Variants in OPN4 observed in about 807,000 individuals in gnomAD.
OPN4 encodes the protein melanopsin.
A neutral mutation model predicts 49.5 loss-of-function variants in OPN4; 43 were observed. That is an observed-to-expected ratio of 0.87 (90% CI 0.68 to 1.12). OPN4 has a LOEUF of 1.12. Among genes scored for constraint, OPN4 ranks in the 50% most tolerant of loss-of-function variants. OPN4 has a pLI of 0.00. For synonymous variants in OPN4, 263 were observed against 258.0 expected (o/e 1.02, Z -0.19); for missense variants, 657 against 643.9 (o/e 1.02, Z -0.22).
intron 8 of OPN4, among the ~76,000 whole-genome samples, chr10:86,663,035 G>A (rs1212378513): frequency 1.3e-5 from 2 of 152,196 alleles, no homozygotes; most frequent in Non-Finnish European, 2.9e-5. Context: ...CCCAGGGATG[G>A]GTGTCAACCT....
intron 9 of OPN4, 126 bp from the exon 10 acceptor site, chr10:86,665,587 G>A (rs766591625): frequency 4.9e-5 from 37 of 755,404 alleles, no homozygotes; most frequent in Non-Finnish European, 7.9e-5. Flanking sequence ...CCTGACCCAG[G>A]ACACAACCTG....
At chr10:86,655,041 G>A in intron 1 of OPN4, 114 bp downstream of exon 1, 3 of 1,123,946 alleles carry the variant, frequency 2.7e-6, no homozygotes, top group Non-Finnish European at 3.8e-6. Context: ...GAACTCTGCT[G>A]TGGGGCCTTG....
chr10:86,664,977 A>G (rs1230877388), intron 9 of OPN4, among the ~76,000 whole-genome samples: 1 of 152,184 alleles, frequency 6.6e-6, no homozygotes, highest in Non-Finnish European at 1.5e-5. Context: ...AAGCAGAGGC[A>G]AGTCCCTGAG....
chr10:86,665,194 G>A lies in OPN4; in HGVS notation c.1399-519G>A, dbSNP rs756112614. Among the ~76,000 whole-genome samples the A allele has an allele frequency of 5.1e-4, 78 of 152,106 alleles. 1 individual carries two copies. The highest frequency in any genetic ancestry group is 7.4e-5 in the Non-Finnish European group (5 of 67,998). On this transcript the variant is annotated intron_variant, in intron 9 of 9. Coordinates refer to ENST00000241891, the MANE Select transcript of OPN4 (RefSeq NM_033282.4). ...AGAGGGACCCTGGGGATTGGCAGTG[G>A]GGGACATAGGAGAAGGGAAGAGGAG...
chr10:86,662,481 A>G, intron 8 of OPN4, 49 bp downstream of exon 8: 1 of 1,516,294 alleles, frequency 6.6e-7, no homozygotes. Context: ...TCCCTTCCTC[A>G]GGCAGCCCTG....
At chr10:86,658,416 C>A in intron 3 of OPN4, 68 bp from the exon 4 acceptor site, 1 of 1,524,774 alleles carries the variant, frequency 6.6e-7, no homozygotes, top group Non-Finnish European at 9.0e-7. Flanking sequence ...GAGGTGAAGG[C>A]CAGAGCAGAG....
chr10:86,661,425 CAAGGGCCT>C, intron 7 of OPN4, 37 bp downstream of exon 7: 1 of 1,532,644 alleles, frequency 6.5e-7, no homozygotes, highest in Non-Finnish European at 9.0e-7. Context: ...CCTTGGCCTC[CAAGGGCCT>C]GGCCTGCCGA....
At position 86,666,034 on chromosome 10, in the gene OPN4, T is replaced by C; in HGVS notation, c.*283T>C. The stretch of plus-strand genomic sequence containing the variant: ...CCTCCCACTTCCCGAGTTGTCTGCC[T>C]CTCCTCAAATGCTGTGTGCTGCAAT... On this transcript the variant is annotated 3_prime_UTR_variant, in exon 10 of 10. Transcript: ENST00000241891. 1 of 492,692 alleles carries C rather than the reference T, an allele frequency of 2.0e-6. No homozygotes were observed. The highest frequency in any genetic ancestry group is 3.6e-6 in the Non-Finnish European group (1 of 277,088). 30.5% of individuals were successfully genotyped at this position (492,692 alleles called of 1,614,324 possible).
chr10:86,659,867 T>C, intron 5 of OPN4, 28 bp from the exon 6 acceptor site: 2 of 1,611,696 alleles, frequency 1.2e-6, no homozygotes, highest in Non-Finnish European at 1.7e-6. Context: ...CCGACTAGGG[T>C]CAGACCTGGA....
chr10:86,665,932 C>T lies in OPN4; in HGVS notation c.*181C>T. 1 of 586,446 alleles carries T rather than the reference C, an allele frequency of 1.7e-6. No individual in the cohort carries two copies. The highest frequency in any genetic ancestry group is 3.0e-6 in the Non-Finnish European group (1 of 331,758). 36.3% of individuals were successfully genotyped at this position (586,446 alleles called of 1,614,324 possible). A position where few individuals can be genotyped will look rare whatever the true frequency, so the allele number is the denominator to read the frequency against. On this transcript the variant is annotated 3_prime_UTR_variant, in exon 10 of 10. Coordinates refer to ENST00000241891, the MANE Select transcript of OPN4 (RefSeq NM_033282.4). ...CCTCTCCACACCTCAAAACTCCTGC[C>T]CCATAACGTCCTCCGCATCCACTTT...
intron 7 of OPN4, 82 bp from the exon 8 acceptor site, chr10:86,662,170 C>T (rs1019631584): frequency 1.5e-5 from 18 of 1,240,996 alleles, no homozygotes; most frequent in Non-Finnish European, 2.0e-5. Flanking sequence ...CACATTAGGC[C>T]TGTACCAGCC....
intron 6 of OPN4, 95 bp downstream of exon 6, chr10:86,660,154 C>T: frequency 2.2e-6 from 3 of 1,386,370 alleles, no homozygotes; most frequent in Non-Finnish European, 3.0e-6. Flanking sequence ...CAACCCCGGC[C>T]AGCCATCCTC....
chr10:86,662,292 C>T lies in OPN4; in HGVS notation c.1114C>T (p.Leu372=). 1 of 1,609,414 alleles carries T rather than the reference C, an allele frequency of 6.2e-7. No homozygotes were observed. The highest frequency in any genetic ancestry group is 8.5e-7 in the Non-Finnish European group (1 of 1,179,226). Residue 372 remains leucine, a synonymous_variant, in exon 8 of 10, where the codon CTG becomes TTG. Coordinates refer to ENST00000241891, the MANE Select transcript of OPN4 (RefSeq NM_033282.4). ...GCACCTGCCCTGCCTGGGGGTGCTG[C>T]TGGGTGTATCACGCCGGCACAGTCG... ...AQHLPCLGVL[L]GVSRRHSRPY... is the part of the protein sequence containing the mutation.
chr10:86,654,705 G>A lies in OPN4; in HGVS notation c.-79G>A. The stretch of plus-strand genomic sequence containing the variant: ...GCTGAGGATGGAGGAAAGTTGGGAG[G>A]CTGAGCACAGCTGAAGTCCTGAGCT... On this transcript the variant is annotated 5_prime_UTR_variant, in exon 1 of 10. Transcript: ENST00000241891. 6.5e-7 allele frequency: 1 copy of A among 1,544,266 alleles called. No individual in the cohort carries two copies. Among genetic ancestry groups the A allele is most frequent in the Non-Finnish European group, 8.8e-7 (1 of 1,139,132 alleles).
chr10:86,658,428 C>T (rs1843921074), intron 3 of OPN4, 56 bp from the exon 4 acceptor site: 1 of 1,576,872 alleles, frequency 6.3e-7, no homozygotes. Flanking sequence ...AGAGCAGAGT[C>T]TACCCTGTCC....
At chr10:86,659,158 C>T (rs1321269088) in intron 4 of OPN4, 139 bp from the exon 5 acceptor site, 10 of 648,926 alleles carry the variant, frequency 1.5e-5, no homozygotes, top group Non-Finnish European at 2.7e-5. Context: ...TTCCCTCCAG[C>T]TTCCTCACTG....
intron 4 of OPN4, 104 bp from the exon 5 acceptor site, chr10:86,659,193 C>T (rs1843941051): frequency 2.2e-6 from 2 of 889,088 alleles, no homozygotes; most frequent in South Asian, 1.6e-5. Context: ...AGGTCAGGGC[C>T]AGGGCTGTGT....
rs777342831 is a variant in OPN4 at position 86,659,482 on chromosome 10, A to T, written c.800+14A>T. 1 of 1,612,702 alleles carries T rather than the reference A, an allele frequency of 6.2e-7. No individual in the cohort carries two copies. Among genetic ancestry groups the T allele is most frequent in the Admixed American group, 1.7e-5 (1 of 59,942 alleles). On this transcript the variant is annotated intron_variant, in intron 5 of 9. Transcript: ENST00000241891. ...GGAGACAGGACGGTAAGAGCCGAGC[A>T]TGGAGGGGGGCTACAGGAGGGGGAC...
chr10:86,658,416 C>G, intron 3 of OPN4, 68 bp from the exon 4 acceptor site: 2 of 1,524,782 alleles, frequency 1.3e-6, no homozygotes, highest in South Asian at 2.3e-5. Flanking sequence ...GAGGTGAAGG[C>G]CAGAGCAGAG....
Sources: gnomAD v4.1 joint callset for allele counts (sites outside exome capture counted in the v4.1 genomes callset) on GRCh38, gnomAD v4.1.1 for gene constraint, MANE v1.5 for transcripts, NCBI Gene and HGNC (gene_info 2026-07-23, HGNC 2026-07-21) for gene names.